Variants in RCBTB2 observed in about 807,000 individuals in gnomAD.
RCBTB2 encodes RCC1 and BTB domain-containing protein 2.
A neutral mutation model predicts 65.4 loss-of-function variants in RCBTB2; 55 were observed. The ratio of observed to expected loss-of-function variants is 0.84; its 90% CI spans 0.68 to 1.05. RCBTB2 has a LOEUF of 1.05. Ranked by LOEUF, RCBTB2 falls within the 50% of genes least tolerant of loss-of-function variation. The pLI is 0.00. For missense variants in RCBTB2, 599 were observed against 680.1 expected (o/e 0.88, Z 1.33); for synonymous variants, 220 against 255.2 (o/e 0.86, Z 1.31).
At chr13:48,519,014 CACA>C (rs777175388) in intron 4 of RCBTB2, among the ~76,000 whole-genome samples, 22 of 152,040 alleles carry the variant, frequency 1.4e-4, no homozygotes, top group Non-Finnish European at 2.6e-4. Context: ...TTCTGATCTT[CACA>C]ACAATTGTAG....
At chr13:48,500,813 G>A (rs367625524) in intron 12 of RCBTB2, among the ~76,000 whole-genome samples, 183 of 152,256 alleles carry the variant, frequency 1.2e-3, no homozygotes, top group African/African-American at 4.0e-3. Flanking sequence ...ATAGTACTGT[G>A]TTACAGCAAA....
intron 14 of RCBTB2, among the ~76,000 whole-genome samples, chr13:48,491,917 A>G (rs1949715519): frequency 6.6e-6 from 1 of 152,130 alleles, no homozygotes; most frequent in African/African-American, 2.4e-5. Context: ...GTTATAGGGG[A>G]ATTCTGTCCA....
intron 4 of RCBTB2, among the ~76,000 whole-genome samples, chr13:48,521,220 G>A (rs1951406204): frequency 6.6e-6 from 1 of 152,178 alleles, no homozygotes; most frequent in Non-Finnish European, 1.5e-5. Flanking sequence ...ACACGGTAAT[G>A]CTACAGTTTA....
At chr13:48,516,098 G>C (rs1294751539) in intron 4 of RCBTB2, among the ~76,000 whole-genome samples, 1 of 52,716 alleles carries the variant, frequency 1.9e-5, no homozygotes, top group Admixed American at 1.5e-4. Context: ...AAGAGAGACA[G>C]AGAGAGAGAG....
intron 11 of RCBTB2, 71 bp from the exon 12 acceptor site, chr13:48,501,939 C>A: frequency 7.3e-7 from 1 of 1,376,990 alleles, no homozygotes; most frequent in Non-Finnish European, 1.0e-6. Context: ...GGATATGGCA[C>A]TACTCTACTG....
At chr13:48,499,288 C>T (rs1226616222) in intron 13 of RCBTB2, among the ~76,000 whole-genome samples, 1 of 152,180 alleles carries the variant, frequency 6.6e-6, no homozygotes, top group East Asian at 1.9e-4. Flanking sequence ...ACAGACTTGA[C>T]TGACTCAGGC....
intron 13 of RCBTB2, among the ~76,000 whole-genome samples, chr13:48,498,369 T>C (rs1262352447): frequency 1.3e-5 from 2 of 152,204 alleles, no homozygotes; most frequent in Non-Finnish European, 2.9e-5. Flanking sequence ...TTTAGACATA[T>C]GGAACATAGG....
chr13:48,517,179 T>C (rs1951138562), intron 4 of RCBTB2, among the ~76,000 whole-genome samples: 1 of 152,208 alleles, frequency 6.6e-6, no homozygotes, highest in Admixed American at 6.5e-5. Flanking sequence ...ACCATGAATT[T>C]CTCTGGGGCC....
intron 1 of RCBTB2, chr13:48,532,792 G>C (rs888850869): frequency 6.3e-6 from 2 of 317,598 alleles, no homozygotes; most frequent in East Asian, 1.3e-4. Flanking sequence ...GCCTGGGCTG[G>C]GTGTAGCCCC....
At chr13:48,494,920 T>C (rs1415497019) in intron 14 of RCBTB2, among the ~76,000 whole-genome samples, 1 of 152,166 alleles carries the variant, frequency 6.6e-6, no homozygotes, top group East Asian at 1.9e-4. Context: ...TACAAATATA[T>C]AATGTGACAT....
At chr13:48,513,997 AG>A (rs1292016900) in intron 6 of RCBTB2, among the ~76,000 whole-genome samples, 1 of 152,264 alleles carries the variant, frequency 6.6e-6, no homozygotes, top group Non-Finnish European at 1.5e-5. Context: ...TAATAATCAA[AG>A]AGAACAATTA....
At chr13:48,503,904 T>C (rs1950365624) in intron 10 of RCBTB2, among the ~76,000 whole-genome samples, 5 of 152,296 alleles carry the variant, frequency 3.3e-5, no homozygotes, top group African/African-American at 1.2e-4. Flanking sequence ...TAATTTCTTT[T>C]CCATCAGAAT....
At chr13:48,531,897 A>C (rs1268122020) in intron 1 of RCBTB2, 1 of 152,226 alleles carries the variant, frequency 6.6e-6, no homozygotes, top group Non-Finnish European at 1.5e-5. Context: ...ACTAAGACCC[A>C]CTGTCTAGTA....
At chr13:48,515,484 C>T (rs1710584264) in intron 5 of RCBTB2, 102 bp downstream of exon 5, 6 of 1,263,920 alleles carry the variant, frequency 4.7e-6, no homozygotes, top group Non-Finnish European at 6.5e-6. Flanking sequence ...AATTTCCATG[C>T]TTTTTTTTTT....
intron 8 of RCBTB2, 64 bp from the exon 9 acceptor site, chr13:48,511,941 T>C: frequency 1.9e-6 from 3 of 1,609,446 alleles, no homozygotes; most frequent in East Asian, 4.5e-5. Flanking sequence ...GTCTGTTATG[T>C]GGGACATACC....
chr13:48,492,813 T>TA (rs1279719615), intron 14 of RCBTB2, among the ~76,000 whole-genome samples: 7 of 152,186 alleles, frequency 4.6e-5, no homozygotes, highest in Admixed American at 4.6e-4. Context: ...GCTCAGGACT[T>TA]AATCTTCAAA....
At position 48,489,716 on chromosome 13, in the gene RCBTB2, C is replaced by T. The variant is rs1198040809; in HGVS notation, c.*395G>A. On this transcript the variant is annotated 3_prime_UTR_variant, in exon 15 of 15. Transcript: ENST00000344532. ...TATACACAAGGCACTGTGCTGAGTG[C>T]TGAAAATGTGGTAAGGACAGACAGC... 2 of 216,696 alleles carry T rather than the reference C, an allele frequency of 9.2e-6. No individual in the cohort carries two copies. Among genetic ancestry groups the T allele is most frequent in the Non-Finnish European group, 1.8e-5 (2 of 108,230 alleles). The allele number at this position is 216,696 out of a possible 1,614,324, so 13.4% of individuals were successfully genotyped here.
At chr13:48,502,663 A>G (rs201142463) in intron 11 of RCBTB2, 61 bp downstream of exon 11, 2 of 1,486,736 alleles carry the variant, frequency 1.3e-6, no homozygotes, top group East Asian at 2.4e-5. Context: ...TATCAAAGTA[A>G]AGCCCTGAGC....
intron 4 of RCBTB2, among the ~76,000 whole-genome samples, chr13:48,521,361 T>C (rs1951413616): frequency 6.6e-6 from 1 of 152,246 alleles, no homozygotes; most frequent in Non-Finnish European, 1.5e-5. Flanking sequence ...AATAAGCAGA[T>C]ATTATGTAAA....
Sources: allele counts gnomAD v4.1 joint callset (sites outside exome capture counted in the v4.1 genomes callset), GRCh38; gene constraint gnomAD v4.1.1; transcripts MANE v1.5; gene names NCBI Gene and HGNC (gene_info 2026-07-23, HGNC 2026-07-21).